The following PARD3B variants were observed in gnomAD, a reference collection of about 807,000 sequenced individuals.
PARD3B encodes the protein partitioning defective 3 homolog B.
PARD3B carries 103 observed loss-of-function variants against 130.2 expected under a neutral mutation model. The ratio of observed to expected loss-of-function variants is 0.79; its 90% CI spans 0.67 to 0.93. The LOEUF is 0.93. Ranked by LOEUF, PARD3B falls within the 40% of genes least tolerant of loss-of-function variation. The pLI, the probability that PARD3B is intolerant of heterozygous loss-of-function variation, is 0.00. For missense variants in PARD3B, 1,609 were observed against 1,499.2 expected (o/e 1.07, Z -1.21); for synonymous variants, 583 against 553.2 (o/e 1.05, Z -0.76).
chr2:205,057,690 CATATACATATATGTGTATGTGTATACGT>C (rs1699811412), intron 4 of PARD3B, among the ~76,000 whole-genome samples: 3 of 105,898 alleles, frequency 2.8e-5, no homozygotes. Flanking sequence ...TGTATACGTA[CATATACATATATGTGTATGTGTATACGT>C]ATATATACAT....
chr2:204,841,867 T>G (rs2125588923), intron 2 of PARD3B, among the ~76,000 whole-genome samples: 1 of 151,988 alleles, frequency 6.6e-6, no homozygotes, highest in South Asian at 2.1e-4. Flanking sequence ...TGGGGTTTTT[T>G]TTTGGTGTCA....
At chr2:205,084,338 A>C (rs1287457937) in intron 4 of PARD3B, among the ~76,000 whole-genome samples, 1 of 152,102 alleles carries the variant, frequency 6.6e-6, no homozygotes, top group African/African-American at 2.4e-5. Context: ...TTCTGTAGTT[A>C]GATCTAGAGG....
chr2:205,572,667 C>G lies in PARD3B; in HGVS notation c.3260+19264C>G, dbSNP rs1331561965. 6.6e-6 allele frequency among the ~76,000 whole-genome samples: 1 copy of G among 152,104 alleles called. No individual in the cohort carries two copies. The highest frequency in any genetic ancestry group is 1.5e-5 in the Non-Finnish European group (1 of 68,022). On this transcript the variant is annotated intron_variant, in intron 22 of 22. Coordinates refer to ENST00000406610, the MANE Select transcript of PARD3B (RefSeq NM_001302769.2). The surrounding 1 kb of genome is among the most constrained non-coding windows in gnomAD (Gnocchi z 4.2). Reference sequence around the variant, plus strand: ...GGCTGAGGGAGGAGAATTGCTTGAACCCAGAAGGTGGAGGTTGCAGTGAGC... The same window carrying G: ...GGCTGAGGGAGGAGAATTGCTTGAAGCCAGAAGGTGGAGGTTGCAGTGAGC...
At chr2:204,646,073 T>C (rs2035260901) in intron 1 of PARD3B, among the ~76,000 whole-genome samples, 1 of 152,146 alleles carries the variant, frequency 6.6e-6, no homozygotes. Context: ...TTTTGACATA[T>C]GTTCTTTCAA....
chr2:204,735,062 T>G (rs925209024), intron 2 of PARD3B, among the ~76,000 whole-genome samples: 2 of 151,920 alleles, frequency 1.3e-5, no homozygotes, highest in African/African-American at 4.8e-5. Context: ...GATTTCATTT[T>G]TAAAATCGTT....
chr2:205,226,127 C>T (rs1394161713), intron 15 of PARD3B, among the ~76,000 whole-genome samples: 1 of 152,212 alleles, frequency 6.6e-6, no homozygotes, highest in Admixed American at 6.5e-5. Context: ...CTGCAAGCTC[C>T]GCCTCCCGGG....
intron 16 of PARD3B, among the ~76,000 whole-genome samples, chr2:205,299,448 C>T (rs1247004115): frequency 6.6e-6 from 1 of 151,734 alleles, no homozygotes; most frequent in African/African-American, 2.4e-5. Flanking sequence ...TAGTCTCCTT[C>T]GTAACTGGAA....
At chr2:204,838,043 A>G (rs1263902162) in intron 2 of PARD3B, among the ~76,000 whole-genome samples, 2 of 138,964 alleles carry the variant, frequency 1.4e-5, no homozygotes, top group Non-Finnish European at 3.4e-5. Context: ...AGACAGATAC[A>G]TACACAGGTA....
intron 1 of PARD3B, among the ~76,000 whole-genome samples, chr2:204,571,288 C>T (rs1283595607): frequency 6.6e-6 from 1 of 152,180 alleles, no homozygotes; most frequent in African/African-American, 2.4e-5. Flanking sequence ...CCCTTGAACT[C>T]TCAAGACCTC....
intron 16 of PARD3B, among the ~76,000 whole-genome samples, chr2:205,278,896 C>T (rs1416350633): frequency 6.6e-6 from 1 of 151,512 alleles, no homozygotes; most frequent in Non-Finnish European, 1.5e-5. Flanking sequence ...ATGGCTAAAC[C>T]CTGTCTCTAC....
chr2:205,320,125 C>T (rs1381831918), intron 18 of PARD3B, among the ~76,000 whole-genome samples: 10 of 143,204 alleles, frequency 7.0e-5, no homozygotes, highest in Non-Finnish European at 9.0e-5. Flanking sequence ...GAGATCACGC[C>T]GCTGCACTCC....
At chr2:204,997,310 A>G (rs1451450378) in intron 3 of PARD3B, among the ~76,000 whole-genome samples, 1 of 152,204 alleles carries the variant, frequency 6.6e-6, no homozygotes, top group Admixed American at 6.5e-5. Context: ...TTGGGATTGA[A>G]TTGAATTTGT....
chr2:205,378,509 C>T (rs73062557), intron 18 of PARD3B, among the ~76,000 whole-genome samples: 2 of 152,154 alleles, frequency 1.3e-5, no homozygotes, highest in Non-Finnish European at 2.9e-5. Context: ...GAAAAGCCAA[C>T]ATGAGAGCTG....
At chr2:204,624,352 T>C (rs944538306) in intron 1 of PARD3B, among the ~76,000 whole-genome samples, 3 of 152,022 alleles carry the variant, frequency 2.0e-5, no homozygotes, top group Non-Finnish European at 4.4e-5. Context: ...ATTGGAACTT[T>C]TGTACACTTG....
chr2:205,549,351 C>T (rs1041443082), intron 21 of PARD3B, among the ~76,000 whole-genome samples: 5 of 152,104 alleles, frequency 3.3e-5, no homozygotes, highest in Non-Finnish European at 7.4e-5. Flanking sequence ...ATGTTTACGT[C>T]TTTATTCATA....
chr2:204,812,622 G>A (rs746998920), intron 2 of PARD3B, among the ~76,000 whole-genome samples: 3 of 152,144 alleles, frequency 2.0e-5, no homozygotes, highest in African/African-American at 7.2e-5. Flanking sequence ...TGTGTTGACC[G>A]AAGTTGTATA....
At chr2:205,311,519 C>T (rs2042384880) in intron 18 of PARD3B, among the ~76,000 whole-genome samples, 1 of 152,178 alleles carries the variant, frequency 6.6e-6, no homozygotes, top group African/African-American at 2.4e-5. Context: ...GGCTCCACTT[C>T]AGACAGCCAA....
chr2:205,036,978 A>G (rs1003398093), intron 3 of PARD3B, among the ~76,000 whole-genome samples: 5 of 147,434 alleles, frequency 3.4e-5, no homozygotes, highest in South Asian at 2.1e-4. Flanking sequence ...GACTGTATAT[A>G]TAAAAAACAT....
At chr2:205,327,715 AAG>A (rs577060550) in intron 18 of PARD3B, among the ~76,000 whole-genome samples, 131 of 152,362 alleles carry the variant, frequency 8.6e-4, no homozygotes, top group African/African-American at 3.1e-3. Context: ...AACAAAGAGA[AAG>A]AGAGGAATAA....
Sources: allele counts gnomAD v4.1 joint callset (sites outside exome capture counted in the v4.1 genomes callset), GRCh38; gene constraint gnomAD v4.1.1; non-coding constraint Gnocchi (gnomAD v3.1); transcripts MANE v1.5; gene names NCBI Gene and HGNC (gene_info 2026-07-23, HGNC 2026-07-21).